The following DDX21 variants were observed in gnomAD, a reference collection of about 807,000 sequenced individuals.
The protein encoded by DDX21 is DExD-box helicase 21.
In DDX21, 18 loss-of-function variants were observed where a neutral mutation model predicts 90.0. The observed-to-expected ratio is 0.20, with a 90% CI of 0.14 to 0.30. The LOEUF (loss-of-function observed/expected upper bound fraction) is 0.30, where lower values mean the gene tolerates loss of function less well. DDX21 is among the 10% of genes least tolerant of loss of function. The pLI, the probability that DDX21 is intolerant of heterozygous loss-of-function variation, is 1.00. For synonymous variants in DDX21, 294 were observed against 318.0 expected (o/e 0.92, Z 0.80); for missense variants, 673 against 944.5 (o/e 0.71, Z 3.77).
chr10:68,978,997 G>T (rs368321228), intron 13 of DDX21, 21 bp downstream of exon 13: 11 of 1,613,642 alleles, frequency 6.8e-6, no homozygotes, highest in Non-Finnish European at 9.3e-6. Flanking sequence ...GGTCTCTGTT[G>T]TAACCTTGAT....
Position 68,956,233 on chromosome 10 carries a change from G to T in DDX21, c.8G>T (p.Gly3Val), listed in dbSNP as rs61757208. Residue 3 changes from glycine to valine, a missense_variant, in exon 1 of 15, where the codon GGA becomes GTA. Around this residue, in one of 4 missense-constraint regions of DDX21, gnomAD observed 204 missense variants for 221.6 expected, o/e 0.92. Transcript: ENST00000354185. MPGKLRSDAGLES... is the reference protein window; with the variant it reads MPVKLRSDAGLES... Reference sequence around the variant, plus strand: ...GGGCAACCTGCGCTGAAGATGCCGGGAAAACTCCGTAGTGACGCTGGTTTG... The same window carrying T: ...GGGCAACCTGCGCTGAAGATGCCGGTAAAACTCCGTAGTGACGCTGGTTTG... 1 of 1,614,074 alleles carries T rather than the reference G, an allele frequency of 6.2e-7. No individual in the cohort carries two copies. Among genetic ancestry groups the T allele is most frequent in the East Asian group, 2.2e-5 (1 of 44,880 alleles).
chr10:68,977,564 A>G lies in DDX21; in HGVS notation c.1778A>G (p.His593Arg). 6.2e-7 allele frequency: 1 copy of G among 1,612,882 alleles called. No homozygotes were observed. Among genetic ancestry groups the G allele is most frequent in the Non-Finnish European group, 8.5e-7 (1 of 1,179,114 alleles). The part of the protein sequence containing the change: ...LDSVPPTAIS[H>R]FKQSAEKLIE... ...TCCGTGCCTCCCACTGCCATTAGTC[A>G]CTTCAAACAATCAGCTGAGAAGCTG... Residue 593 changes from histidine to arginine, a missense_variant, in exon 12 of 15, where the codon CAC (histidine) becomes CGC (arginine). His to Arg is a conservative substitution (Grantham distance 29). This residue lies in a region of DDX21 where 225 missense variants were observed against 298.8 expected (regional missense o/e 0.75). Transcript: ENST00000354185.
intron 6 of DDX21, among the ~76,000 whole-genome samples, chr10:68,968,363 A>C (rs1409933363): frequency 6.6e-6 from 1 of 152,106 alleles, no homozygotes; most frequent in Non-Finnish European, 1.5e-5. Context: ...TGTGTTGCCC[A>C]GGCTTGTCTT....
rs1420948672 is a variant in DDX21 at position 68,983,696 on chromosome 10, T to G, written c.*884T>G. ...CGCAGATTAGCATTGCTCAAGAGTA[T>G]GTAAAAAAAAAAAAAAAAAAAAAGA... On this transcript the variant is annotated 3_prime_UTR_variant, in exon 15 of 15. Coordinates refer to ENST00000354185, the MANE Select transcript of DDX21 (RefSeq NM_004728.4). 2.0e-5 allele frequency: 1 copy of G among 49,506 alleles called. No individual in the cohort carries two copies. The highest frequency in any genetic ancestry group is 1.3e-4 in the African/African-American group (1 of 7,666). The allele number at this position is 49,506 out of a possible 1,614,324, so 3.1% of individuals were successfully genotyped here.
chr10:68,981,707 A>C, intron 14 of DDX21, 126 bp downstream of exon 14: 1 of 874,076 alleles, frequency 1.1e-6, no homozygotes. Context: ...ATCGATAATT[A>C]AATTTTGGAA....
intron 6 of DDX21, among the ~76,000 whole-genome samples, 172 bp downstream of exon 6, chr10:68,967,375 C>T (rs1294230549): frequency 6.6e-6 from 1 of 151,938 alleles, no homozygotes; most frequent in African/African-American, 2.4e-5. Flanking sequence ...TGCCATATTG[C>T]CCAGGCTGGT....
rs551822440 is a variant in DDX21 at position 68,983,690 on chromosome 10, A to G, written c.*878A>G. ...AGGGGGCGCAGATTAGCATTGCTCA[A>G]GAGTATGTAAAAAAAAAAAAAAAAA... is the stretch of plus-strand genomic sequence containing the variant. On this transcript the variant is annotated 3_prime_UTR_variant, in exon 15 of 15. Coordinates refer to ENST00000354185, the MANE Select transcript of DDX21 (RefSeq NM_004728.4). The G allele has an allele frequency of 8.6e-6, 1 of 116,920 alleles. No homozygotes were observed. Among genetic ancestry groups the G allele is most frequent in the African/African-American group, 3.6e-5 (1 of 27,494 alleles). The allele number at this position is 116,920 out of a possible 1,614,324, so 7.2% of individuals were successfully genotyped here.
In DDX21 at chr10:68,967,035, G is replaced by T; in HGVS notation, c.922G>T (p.Gly308Trp). ...YGGQFERMRNGIDILVGTPGR... is the reference protein window; with the variant it reads ...YGGQFERMRNWIDILVGTPGR... The stretch of plus-strand genomic sequence containing the variant: ...TTTTATAGTTGAACGCATGAGGAAT[G>T]GGATTGATATCCTGGTTGGAACACC... The change falls in exon 6 of 15, where the codon GGG (glycine) becomes TGG (tryptophan). Residue 308 changes from glycine to tryptophan, a missense_variant. This residue lies in a region of DDX21 where 218 missense variants were observed against 347.3 expected (regional missense o/e 0.63). Transcript: ENST00000354185. 6.2e-7 allele frequency: 1 copy of T among 1,609,870 alleles called. No homozygotes were observed. The highest frequency in any genetic ancestry group is 1.1e-5 in the South Asian group (1 of 90,448).
Position 68,960,121 on chromosome 10 carries a change from A to T in DDX21, c.403A>T (p.Lys135Ter). 1 of 1,614,126 alleles carries T rather than the reference A, an allele frequency of 6.2e-7. No homozygotes were observed. Among genetic ancestry groups the T allele is most frequent in the Non-Finnish European group, 8.5e-7 (1 of 1,180,012 alleles). ...TGCTCCTAAGCCCAAGAAGATGAAG[A>T]AAGAAAAGGAAATGAATGGAGAAAC... ...IDAPKPKKMKKEKEMNGETRE... is the reference protein window; with the variant it reads ...IDAPKPKKMK The change falls in exon 2 of 15, where the codon AAA becomes TAA. Residue 135 changes from lysine to a stop codon, truncating the protein, a stop_gained. Coordinates refer to ENST00000354185, the MANE Select transcript of DDX21 (RefSeq NM_004728.4). LOFTEE classifies it high-confidence loss of function.
chr10:68,967,196 C>T lies in DDX21; in HGVS notation c.1083C>T (p.Tyr361=). The T allele has an allele frequency of 6.2e-7, 1 of 1,606,722 alleles. No homozygotes were observed. The highest frequency in any genetic ancestry group is 8.5e-7 in the Non-Finnish European group (1 of 1,175,676). ...DQVEEILSVA[Y]KKDSEDNPQT... ...TGGAAGAGATTTTAAGTGTGGCATA[C>T]AAGAAAGGTAATCCACAAATTCAAG... The change falls in exon 6 of 15, where the codon TAC becomes TAT. Residue 361 remains tyrosine, a synonymous_variant. Transcript: ENST00000354185.
chr10:68,958,665 C>A (rs1842833010), intron 1 of DDX21, among the ~76,000 whole-genome samples: 1 of 152,116 alleles, frequency 6.6e-6, no homozygotes, highest in Non-Finnish European at 1.5e-5. Context: ...TCTCCTTCTC[C>A]TGACCTCGTG....
In DDX21 at chr10:68,969,133, A is replaced by T. The variant is rs764804079; in HGVS notation, c.1236+12A>T. ...CAATAACTGTGGAGGTAAATTATTT[A>T]CTTAGTTGCCAGAATATAAAATTGT... On this transcript the variant is annotated intron_variant, in intron 7 of 14. Coordinates refer to ENST00000354185, the MANE Select transcript of DDX21 (RefSeq NM_004728.4). 9.4e-6 allele frequency: 15 copies of T among 1,600,864 alleles called. No individual in the cohort carries two copies. Among genetic ancestry groups the T allele is most frequent in the Non-Finnish European group, 8.5e-7 (1 of 1,177,028 alleles).
At chr10:68,957,109 A>C in intron 1 of DDX21, among the ~76,000 whole-genome samples, 1 of 152,040 alleles carries the variant, frequency 6.6e-6, no homozygotes, top group Non-Finnish European at 1.5e-5. Flanking sequence ...TCATCTGCGC[A>C]CGTGGGCCGC....
chr10:68,962,972 T>C (rs912804949), intron 3 of DDX21, among the ~76,000 whole-genome samples: 1 of 152,094 alleles, frequency 6.6e-6, no homozygotes, highest in Non-Finnish European at 1.5e-5. Flanking sequence ...ACTATCAGAA[T>C]ATTTCTGAGC....
chr10:68,975,712 C>T (rs1346356630), intron 11 of DDX21, among the ~76,000 whole-genome samples: 1 of 151,678 alleles, frequency 6.6e-6, no homozygotes, highest in Non-Finnish European at 1.5e-5. Flanking sequence ...CTGGGGTAGG[C>T]GGATTGCCTG....
At chr10:68,970,179 G>GTTT in intron 7 of DDX21, 22 bp from the exon 8 acceptor site, 1 of 1,592,290 alleles carries the variant, frequency 6.3e-7, no homozygotes, top group Non-Finnish European at 8.5e-7. Flanking sequence ...CTAAATAGAT[G>GTTT]TTTTTTTTCT....
intron 1 of DDX21, 25 bp from the exon 2 acceptor site, chr10:68,959,781 T>C: frequency 6.7e-7 from 1 of 1,483,642 alleles, no homozygotes; most frequent in Non-Finnish European, 9.0e-7. Flanking sequence ...TCAGTGTTTG[T>C]ATTTTCCTTA....
rs972487646 is a variant in DDX21, at chr10:68,983,040, A to T, written c.*228A>T. 1.7e-5 allele frequency: 10 copies of T among 599,606 alleles called. No homozygotes were observed. The African/African-American group carries it at 1.9e-4, about 11-fold the overall frequency. The allele number at this position is 599,606 out of a possible 1,614,324, so 37.1% of individuals were successfully genotyped here. On this transcript the variant is annotated 3_prime_UTR_variant, in exon 15 of 15. Transcript: ENST00000354185. ...ATCAGTTTTTCCTTTTGAAAGGTGT[A>T]TGAATTCATTACATTTTTATTCTAA...
chr10:68,978,706 G>T, intron 12 of DDX21, 136 bp from the exon 13 acceptor site: 1 of 1,138,484 alleles, frequency 8.8e-7, no homozygotes, highest in African/African-American at 1.6e-5. Flanking sequence ...GGGACTGTTC[G>T]TACTAATTGT....
Sources: allele counts gnomAD v4.1 joint callset (sites outside exome capture counted in the v4.1 genomes callset), GRCh38; gene constraint gnomAD v4.1.1; regional missense constraint gnomAD v4.1.1; transcripts MANE v1.5; gene names NCBI Gene and HGNC (gene_info 2026-07-23, HGNC 2026-07-21).